Variants in NCK2 observed in about 807,000 individuals in gnomAD.
NCK2 encodes the protein cytoplasmic protein NCK2.
In NCK2, 16 loss-of-function variants were observed where a neutral mutation model predicts 33.9. That is an observed-to-expected ratio of 0.47 (90% CI 0.32 to 0.72). The LOEUF is 0.72. Among genes scored for constraint, NCK2 ranks in the 30% least tolerant of loss-of-function variants. The pLI is 0.03. For synonymous variants in NCK2, 273 were observed against 239.9 expected, an observed-to-expected ratio of 1.14 and a Z score of -1.27; for missense variants, 418 against 537.3, an observed-to-expected ratio of 0.78 and a Z score of 2.19.
rs189545480 is a variant in NCK2 at position 105,871,885 on chromosome 2, G to A, written c.227-9443G>A. On this transcript the variant is annotated intron_variant, in intron 3 of 4. Transcript: ENST00000233154. Reference sequence around the variant, plus strand: ...CAATTAGGACCTTAGAGAGCGGGGAGGAAACTACATGACACCTGACAACAA... The same window carrying A: ...CAATTAGGACCTTAGAGAGCGGGGAAGAAACTACATGACACCTGACAACAA... Among the ~76,000 whole-genome samples the A allele has an allele frequency of 9.9e-5, 15 of 152,278 alleles. No homozygotes were observed. The East Asian group carries it at 2.9e-3, about 29-fold the overall frequency.
intron 1 of NCK2, among the ~76,000 whole-genome samples, chr2:105,766,963 G>C (rs1689969734): frequency 6.6e-6 from 1 of 152,204 alleles, no homozygotes; most frequent in South Asian, 2.1e-4. Flanking sequence ...AAGAGAAGAT[G>C]TGAAGAGACA....
chr2:105,756,184 T>C (rs1689594633), intron 1 of NCK2, among the ~76,000 whole-genome samples: 1 of 152,260 alleles, frequency 6.6e-6, no homozygotes, highest in Admixed American at 6.5e-5. Context: ...TCTCACTGTC[T>C]GCTTTGTTTA....
intron 1 of NCK2, among the ~76,000 whole-genome samples, chr2:105,780,363 C>T (rs970184120): frequency 1.7e-4 from 24 of 142,550 alleles, no homozygotes; most frequent in African/African-American, 3.0e-4. Flanking sequence ...CACACACACA[C>T]ATTCATCTAA....
intron 1 of NCK2, among the ~76,000 whole-genome samples, chr2:105,755,761 T>C (rs781425556): frequency 9.9e-5 from 15 of 151,320 alleles, no homozygotes; most frequent in Non-Finnish European, 2.2e-4. Context: ...CAAAGACATC[T>C]GTTTTCTTAG....
At chr2:105,812,862 A>T (rs1549769) in intron 1 of NCK2, among the ~76,000 whole-genome samples, 1 of 150,100 alleles carries the variant, frequency 6.7e-6, no homozygotes, top group Non-Finnish European at 1.5e-5. Flanking sequence ...AGAAGCAGTA[A>T]CGTTGAAAAC....
intron 2 of NCK2, among the ~76,000 whole-genome samples, chr2:105,827,811 T>G (rs1049277792): frequency 2.6e-5 from 4 of 152,184 alleles, no homozygotes; most frequent in African/African-American, 9.6e-5. Context: ...GTGATGGTTG[T>G]CAGAAAGGGA....
intron 1 of NCK2, among the ~76,000 whole-genome samples, chr2:105,814,811 G>T (rs74765169): frequency 0.018 from 2,683 of 152,278 alleles, 39 homozygotes; most frequent in Non-Finnish European, 0.022. Flanking sequence ...GGGCACACAG[G>T]GGGGAGGCCT....
intron 1 of NCK2, among the ~76,000 whole-genome samples, chr2:105,804,614 A>T (rs1674962977): frequency 1.3e-5 from 2 of 152,238 alleles, no homozygotes; most frequent in Admixed American, 1.3e-4. Flanking sequence ...ATAGGAAGTC[A>T]TATATATGCT....
At chr2:105,849,264 C>T (rs898683209) in intron 2 of NCK2, among the ~76,000 whole-genome samples, 5 of 152,136 alleles carry the variant, frequency 3.3e-5, no homozygotes, top group East Asian at 3.9e-4. Context: ...CGCGGTGGTG[C>T]ACACCTACAG....
intron 1 of NCK2, among the ~76,000 whole-genome samples, chr2:105,753,549 G>A (rs1349400174): frequency 6.6e-6 from 1 of 152,220 alleles, no homozygotes; most frequent in Non-Finnish European, 1.5e-5. Flanking sequence ...GTAAATGCCT[G>A]TGTGATGTGC....
intron 3 of NCK2, among the ~76,000 whole-genome samples, chr2:105,880,429 G>C (rs887939611): frequency 6.6e-6 from 1 of 152,196 alleles, no homozygotes; most frequent in Non-Finnish European, 1.5e-5. Flanking sequence ...GAGAAGGATT[G>C]TAAGAAGAGA....
At chr2:105,763,426 A>G (rs1368022515) in intron 1 of NCK2, among the ~76,000 whole-genome samples, 3 of 152,216 alleles carry the variant, frequency 2.0e-5, no homozygotes, top group African/African-American at 7.2e-5. Context: ...ACGACAAAAC[A>G]TGCCCCAAGT....
intron 1 of NCK2, among the ~76,000 whole-genome samples, chr2:105,767,968 C>CA (rs1690001778): frequency 6.6e-6 from 1 of 151,978 alleles, no homozygotes; most frequent in African/African-American, 2.4e-5. Flanking sequence ...AAATTTGAGA[C>CA]AAAAAAATGG....
At position 105,865,902 on chromosome 2, in the gene NCK2, ATATTAT is replaced by A. The variant is rs61440392; in HGVS notation, c.226+10636_226+10641del. ...GTTGTCTTCACTCTTAAAGACAGAG[ATATTAT>A]TATTATTATTATTATTATTATTTGA... On this transcript the variant is annotated intron_variant, in intron 3 of 4. Transcript: ENST00000233154. Among the ~76,000 whole-genome samples, 27 of 148,800 alleles carry A rather than the reference ATATTAT, an allele frequency of 1.8e-4. 1 individual carries two copies. The highest frequency in any genetic ancestry group is 1.7e-3 in the South Asian group (8 of 4,684).
intron 1 of NCK2, among the ~76,000 whole-genome samples, chr2:105,752,049 C>T (rs1007795397): frequency 6.6e-6 from 1 of 152,090 alleles, no homozygotes; most frequent in Non-Finnish European, 1.5e-5. Flanking sequence ...CTTTTATTTG[C>T]GTGAGGGCTT....
In NCK2 at chr2:105,893,223, GC is replaced by G; in HGVS notation, c.*50del. On this transcript the variant is annotated 3_prime_UTR_variant, in exon 5 of 5. Transcript: ENST00000233154. ...GCCTCCCGGGCCCCACGGTGGAGCT[GC>G]CCGCCCGGCCTTGTGGCAGAGGCTC... The G allele has an allele frequency of 6.6e-7, 1 of 1,508,472 alleles. No homozygotes were observed. The allele number at this position is 1,508,472 out of a possible 1,614,324, so 93.4% of individuals were successfully genotyped here. A position where few individuals can be genotyped will look rare whatever the true frequency, so the allele number is the denominator to read the frequency against.
intron 1 of NCK2, among the ~76,000 whole-genome samples, chr2:105,750,156 G>A (rs1351485060): frequency 3.3e-5 from 5 of 152,018 alleles, no homozygotes; most frequent in South Asian, 4.2e-4. Flanking sequence ...CCCCGGGGCC[G>A]GCAGGGCTGG....
rs1449051414 is a variant in NCK2, at chr2:105,855,047, G to A, written c.-16-1G>A. ...AGCATCTCCAAATGTTTTGCTGGCA[G>A]AAGGACTCCATGAAAGATGACAGAA... On this transcript the variant is annotated splice_acceptor_variant, in intron 2 of 4. Transcript: ENST00000233154. LOFTEE classifies it low-confidence loss of function (5UTR_SPLICE). 1.9e-6 allele frequency: 3 copies of A among 1,609,276 alleles called. No homozygotes were observed. The highest frequency in any genetic ancestry group is 3.3e-5 in the Admixed American group (2 of 60,008).
chr2:105,846,905 G>A (rs1481120841), intron 2 of NCK2: 4 of 152,216 alleles, frequency 2.6e-5, no homozygotes, highest in Non-Finnish European at 5.9e-5. Flanking sequence ...CAGCCCAAAG[G>A]TGGAAGCAAC....
Sources: gnomAD v4.1 joint callset for allele counts (sites outside exome capture counted in the v4.1 genomes callset) on GRCh38, gnomAD v4.1.1 for gene constraint, MANE v1.5 for transcripts, NCBI Gene and HGNC (gene_info 2026-07-23, HGNC 2026-07-21) for gene names.